The following AFF2 variants were observed in gnomAD, a reference collection of about 807,000 sequenced individuals.
The protein encoded by AFF2 is ALF transcription elongation factor 2, also known as AF4/FMR2 family member 2.
A neutral mutation model predicts 76.9 loss-of-function variants in AFF2; 14 were observed. The ratio of observed to expected loss-of-function variants is 0.18; its 90% CI spans 0.12 to 0.28. AFF2 has a LOEUF of 0.28. Ranked by LOEUF, AFF2 falls within the 10% of genes least tolerant of loss-of-function variation. The pLI, the probability that AFF2 is intolerant of heterozygous loss-of-function variation, is 1.00. For synonymous variants in AFF2, 398 were observed against 366.7 expected, an observed-to-expected ratio of 1.09 and a Z score of -0.98; for missense variants, 868 against 1,001.1, an observed-to-expected ratio of 0.87 and a Z score of 1.79.
intron 9 of AFF2, among the ~76,000 whole-genome samples, chrX:148,920,363 A>G (rs1557283064): frequency 9.0e-6 from 1 of 111,710 alleles, no homozygotes; most frequent in Non-Finnish European, 1.9e-5. Flanking sequence ...AGATTTGTAA[A>G]AGGTTAGGAA....
chrX:148,599,119 A>G (rs1025265111), intron 1 of AFF2, among the ~76,000 whole-genome samples: 1 of 112,075 alleles, frequency 8.9e-6, no homozygotes, highest in Non-Finnish European at 1.9e-5. Context: ...AGGAAATGCA[A>G]TCATGTGCTT....
chrX:148,749,907 C>T (rs782056734), intron 3 of AFF2, among the ~76,000 whole-genome samples: 2 of 111,106 alleles, frequency 1.8e-5, no homozygotes, highest in East Asian at 2.8e-4. Flanking sequence ...CACCTTACAC[C>T]GTGAGCACTT....
At chrX:148,578,964 G>T (rs1490881534) in intron 1 of AFF2, among the ~76,000 whole-genome samples, 2 of 111,277 alleles carry the variant, frequency 1.8e-5, no homozygotes, top group African/African-American at 6.5e-5. Flanking sequence ...CTTTGAGGTG[G>T]GTTCCACTAG....
chrX:148,521,716 G>A (rs781903811), intron 1 of AFF2, among the ~76,000 whole-genome samples: 10 of 111,780 alleles, frequency 8.9e-5, no homozygotes, highest in Non-Finnish European at 1.9e-4. Flanking sequence ...ATGGAATTAC[G>A]TATGAATATT....
intron 15 of AFF2, among the ~76,000 whole-genome samples, chrX:148,969,121 C>T (rs1227190312): frequency 1.8e-5 from 2 of 112,782 alleles, no homozygotes; most frequent in Non-Finnish European, 1.9e-5. Context: ...ATCGGTACCA[C>T]AGACATATAT....
At chrX:148,883,443 T>C (rs2071120927) in intron 7 of AFF2, among the ~76,000 whole-genome samples, 1 of 111,515 alleles carries the variant, frequency 9.0e-6, no homozygotes, top group Non-Finnish European at 1.9e-5. Context: ...CCTGTTATGC[T>C]CACCACCACC....
At chrX:148,567,237 C>T (rs1557241786) in intron 1 of AFF2, among the ~76,000 whole-genome samples, 1 of 111,772 alleles carries the variant, frequency 8.9e-6, no homozygotes, top group Non-Finnish European at 1.9e-5. Flanking sequence ...AGTTCAATAC[C>T]TCTTTCATGA....
At chrX:148,986,091 T>C (rs1357481439) in intron 19 of AFF2, among the ~76,000 whole-genome samples, 1 of 77,084 alleles carries the variant, frequency 1.3e-5, no homozygotes, top group African/African-American at 5.2e-5. Context: ...TTGCCAACAA[T>C]AGCAACTGGT....
At position 148,995,588 on chromosome X, in the gene AFF2, C is replaced by T. The variant is rs1478463067; in HGVS notation, c.*4256C>T. On this transcript the variant is annotated 3_prime_UTR_variant, in exon 21 of 21. Coordinates refer to ENST00000370460, the MANE Select transcript of AFF2 (RefSeq NM_002025.4). ...ATGTTAAAGAATTATTCATAGTGCT[C>T]ACATTGGGTTAGGGGACACTGAACT... 2.7e-5 allele frequency: 3 copies of T among 112,243 alleles called. No individual in the cohort carries two copies. Among genetic ancestry groups the T allele is most frequent in the Admixed American group, 9.4e-5 (1 of 10,677 alleles). 9.3% of individuals were successfully genotyped at this position (112,243 alleles called of 1,213,427 possible).
chrX:148,904,579 A>G (rs1557281246), intron 9 of AFF2, among the ~76,000 whole-genome samples: 1 of 112,336 alleles, frequency 8.9e-6, no homozygotes, highest in Non-Finnish European at 1.9e-5. Context: ...TGCACATGCT[A>G]AAAAGATTAC....
intron 3 of AFF2, among the ~76,000 whole-genome samples, chrX:148,778,556 C>T (rs2069698658): frequency 9.0e-6 from 1 of 111,194 alleles, no homozygotes; most frequent in South Asian, 3.8e-4. Flanking sequence ...TGTTATTGGT[C>T]TATTCAGGGA....
intron 3 of AFF2, among the ~76,000 whole-genome samples, chrX:148,754,086 AG>A (rs1557266704): frequency 9.0e-6 from 1 of 111,677 alleles, no homozygotes; most frequent in Non-Finnish European, 1.9e-5. Context: ...AGACCACAAA[AG>A]AGGAAGGCAT....
At chrX:148,518,612 A>G (rs2052563543) in intron 1 of AFF2, among the ~76,000 whole-genome samples, 1 of 112,195 alleles carries the variant, frequency 8.9e-6, no homozygotes, top group Non-Finnish European at 1.9e-5. Flanking sequence ...AGGAGTATGC[A>G]TGTCTTGTGT....
At chrX:148,534,452 C>T (rs2052761234) in intron 1 of AFF2, among the ~76,000 whole-genome samples, 1 of 112,917 alleles carries the variant, frequency 8.9e-6, no homozygotes, top group Non-Finnish European at 1.9e-5. Flanking sequence ...AAGTTGGCAT[C>T]ACATGTTTAT....
At chrX:148,872,958 C>T (rs2070995299) in intron 7 of AFF2, among the ~76,000 whole-genome samples, 1 of 111,598 alleles carries the variant, frequency 9.0e-6, no homozygotes, top group African/African-American at 3.3e-5. Context: ...GAGGGGGACA[C>T]ACAAACATTC....
At chrX:148,928,145 G>A (rs782289981) in intron 9 of AFF2, among the ~76,000 whole-genome samples, 1 of 111,654 alleles carries the variant, frequency 9.0e-6, no homozygotes, top group Non-Finnish European at 1.9e-5. Flanking sequence ...CACAGTAAAA[G>A]CAATTGAAAA....
intron 1 of AFF2, among the ~76,000 whole-genome samples, chrX:148,601,793 C>T (rs1722506949): frequency 9.0e-6 from 1 of 111,686 alleles, no homozygotes; most frequent in Admixed American, 9.5e-5. Flanking sequence ...CTCTATATGC[C>T]TCTTTCTGCA....
chrX:148,579,495 A>T (rs933424377), intron 1 of AFF2, among the ~76,000 whole-genome samples: 3 of 112,034 alleles, frequency 2.7e-5, no homozygotes, highest in African/African-American at 9.7e-5. Context: ...CGTTTTGAAA[A>T]ATAAAGCGAT....
chrX:148,606,709 A>G (rs1256397532), intron 1 of AFF2, among the ~76,000 whole-genome samples: 1 of 111,849 alleles, frequency 8.9e-6, no homozygotes, highest in Non-Finnish European at 1.9e-5. Flanking sequence ...ACTAGATTGT[A>G]TGTAATTGAA....
Sources: gnomAD v4.1 joint callset for allele counts (sites outside exome capture counted in the v4.1 genomes callset) on GRCh38, gnomAD v4.1.1 for gene constraint, MANE v1.5 for transcripts, NCBI Gene and HGNC (gene_info 2026-07-23, HGNC 2026-07-21) for gene names.